Variants in NR4A2 observed in about 807,000 individuals in gnomAD.
The protein encoded by NR4A2 is nuclear receptor subfamily 4 group A member 2, also known as NGFI-B/nur77 beta-type transcription factor homolog.
Under a neutral mutation model 50.5 loss-of-function variants are expected in NR4A2, and 1 was observed. The ratio of observed to expected loss-of-function variants is 0.02; its 90% CI spans 0.01 to 0.09. The LOEUF is 0.09. Among genes scored for constraint, NR4A2 ranks in the 10% least tolerant of loss-of-function variants. The probability of loss-of-function intolerance (pLI) is 1.00; values close to 1 mark genes in which losing one functional copy is unlikely to be tolerated. For synonymous variants in NR4A2, 328 were observed against 309.4 expected (o/e 1.06, Z -0.63); for missense variants, 613 against 777.3 (o/e 0.79, Z 2.51).
rs371017972 is a variant in NR4A2 at position 156,325,685 on chromosome 2, C to T, written c.*59G>A. ...CGGCTATCTCTGCCCATGTGACTTG[C>T]CCCCTCTTGACAGTTTCCATTATCA... On this transcript the variant is annotated 3_prime_UTR_variant, in exon 8 of 8. Transcript: ENST00000339562. 1.2e-5 allele frequency: 19 copies of T among 1,606,972 alleles called. No individual in the cohort carries two copies. The East Asian group carries it at 1.8e-4, about 15-fold the overall frequency.
Position 156,329,557 on chromosome 2 carries a change from G to T in NR4A2, c.630C>A (p.His210Gln), listed in dbSNP as rs1430369191. ...CGAAGGTCTGCCCGTCCACCACGTG[G>T]TGGCTGCCGGCGGGCTCCGGGTTCA... Reference protein sequence around the residue: ...VPMNPEPAGSHHVVDGQTFAV... With the variant: ...VPMNPEPAGSQHVVDGQTFAV... The change falls in exon 3 of 8, where the codon CAC (histidine) becomes CAA (glutamine). Residue 210 changes from histidine to glutamine, a missense_variant. Coordinates refer to ENST00000339562, the MANE Select transcript of NR4A2 (RefSeq NM_006186.4). The surrounding 1 kb of genome is among the most constrained non-coding windows in gnomAD (Gnocchi z 7.5). 8 of 1,603,622 alleles carry T rather than the reference G, an allele frequency of 5.0e-6. No homozygotes were observed. The highest frequency in any genetic ancestry group is 6.8e-6 in the Non-Finnish European group (8 of 1,174,008).
At position 156,329,935 on chromosome 2, in the gene NR4A2, G is replaced by C; in HGVS notation, c.252C>G (p.Ser84=). The C allele has an allele frequency of 6.2e-7, 1 of 1,614,174 alleles. No individual in the cohort carries two copies. The highest frequency in any genetic ancestry group is 8.5e-7 in the Non-Finnish European group (1 of 1,180,028). The change falls in exon 3 of 8, where the codon TCC becomes TCG. Residue 84 remains serine (S), a synonymous_variant. Transcript: ENST00000339562. This position sits in a 1 kb window ranked among gnomAD's most constrained non-coding sequence, Gnocchi z 7.5. The part of the protein sequence containing the change: ...KPPCLYQMPL[S]GQQSSIKVED... ...CTACCTTAATGGAGGACTGCTGTCC[G>C]GACAGGGGCATTTGGTACAAGCAAG... is the stretch of plus-strand genomic sequence containing the variant.
chr2:156,325,593 C>A lies in NR4A2; in HGVS notation c.*151G>T, dbSNP rs1008117859. 3.9e-6 allele frequency: 4 copies of A among 1,024,684 alleles called. No individual in the cohort carries two copies. Among genetic ancestry groups the A allele is most frequent in the Admixed American group, 3.8e-5 (2 of 52,162 alleles). The allele number at this position is 1,024,684 out of a possible 1,614,324, so 63.5% of individuals were successfully genotyped here. On this transcript the variant is annotated 3_prime_UTR_variant, in exon 8 of 8. Transcript: ENST00000339562. ...CAGTTTTTGTTTGTTTGTTTGTTTT[C>A]TTTAGGGATCAAGGGGGCTAGGAGG...
At position 156,326,695 on chromosome 2, in the gene NR4A2, T is replaced by G; in HGVS notation, c.1361+23A>C. On this transcript the variant is annotated intron_variant, in intron 6 of 7. Transcript: ENST00000339562. The surrounding 1 kb of genome is among the most constrained non-coding windows in gnomAD (Gnocchi z 4.2). Reference sequence around the variant, plus strand: ...GATTTCTCTCACAGCCTCCCTGGATTGTCTCCCTCCCTCCCTTATTACCTG... The same window carrying G: ...GATTTCTCTCACAGCCTCCCTGGATGGTCTCCCTCCCTCCCTTATTACCTG... 6.6e-7 allele frequency: 1 copy of G among 1,514,740 alleles called. No individual in the cohort carries two copies. The highest frequency in any genetic ancestry group is 2.3e-5 in the East Asian group (1 of 43,798). The allele number at this position is 1,514,740 out of a possible 1,614,324, so 93.8% of individuals were successfully genotyped here.
At position 156,325,816 on chromosome 2, in the gene NR4A2, G is replaced by A; in HGVS notation, c.1725C>T (p.Tyr575=). ...GTGGCACCAAGTCTTCCAATTTCAG[G>A]TAGAAAATGCGCTGTAGCCCCTGTG... The part of the protein sequence containing the change: ...LCTQGLQRIF[Y]LKLEDLVPPP... The change falls in exon 8 of 8, where the codon TAC becomes TAT. Residue 575 remains tyrosine (Y), a synonymous_variant. Transcript: ENST00000339562. 6.2e-7 allele frequency: 1 copy of A among 1,614,190 alleles called. No individual in the cohort carries two copies. Among genetic ancestry groups the A allele is most frequent in the Non-Finnish European group, 8.5e-7 (1 of 1,180,044 alleles).
At position 156,326,619 on chromosome 2, in the gene NR4A2, T is replaced by A; in HGVS notation, c.1361+99A>T. ...CGACTTCCATTTCCTATTCTGTCTT[T>A]TTCTCTACCCCACCCTCTGGTTTCC... On this transcript the variant is annotated intron_variant, in intron 6 of 7. Transcript: ENST00000339562. This position sits in a 1 kb window ranked among gnomAD's most constrained non-coding sequence, Gnocchi z 4.2. The A allele has an allele frequency of 7.5e-7, 1 of 1,337,162 alleles. No individual in the cohort carries two copies. Among genetic ancestry groups the A allele is most frequent in the Non-Finnish European group, 1.1e-6 (1 of 938,986 alleles). 82.8% of individuals were successfully genotyped at this position (1,337,162 alleles called of 1,614,324 possible).
Position 156,329,608 on chromosome 2 carries a change from G to T in NR4A2, c.579C>A (p.Arg193=), listed in dbSNP as rs1463454891. 1.3e-5 allele frequency: 21 copies of T among 1,610,696 alleles called. No homozygotes were observed. Among genetic ancestry groups the T allele is most frequent in the Non-Finnish European group, 1.8e-5 (21 of 1,178,444 alleles). ...PGTPVSSCQM[R]FDGPLHVPMN... The stretch of plus-strand genomic sequence containing the variant: ...TGGGGACGTGCAGGGGCCCGTCGAA[G>T]CGCATCTGGCAACTAGACACCGGGG... The change falls in exon 3 of 8, where the codon CGC becomes CGA. Residue 193 remains arginine, a synonymous_variant. Transcript: ENST00000339562. This position sits in a 1 kb window ranked among gnomAD's most constrained non-coding sequence, Gnocchi z 7.5.
chr2:156,328,001 G>T lies in NR4A2; in HGVS notation c.1008C>A (p.Asp336Glu). 6.2e-7 allele frequency: 1 copy of T among 1,605,742 alleles called. No homozygotes were observed. The highest frequency in any genetic ancestry group is 8.5e-7 in the Non-Finnish European group (1 of 1,175,686). ...AACGACCTCTCCGGCCTTTTAAACT[G>T]TCTGTGCGAACCACTGCAAAGGAAG... ...VGMVKEVVRT[D>E]SLKGRRGRLP... The change falls in exon 5 of 8, where the codon GAC becomes GAA. Residue 336 changes from aspartate (D) to glutamate (E), a missense_variant. Around this residue, in one of 4 missense-constraint regions of NR4A2, gnomAD observed 27 missense variants for 120.7 expected, o/e 0.22. Coordinates refer to ENST00000339562, the MANE Select transcript of NR4A2 (RefSeq NM_006186.4). This position sits in a 1 kb window ranked among gnomAD's most constrained non-coding sequence, Gnocchi z 4.9.
Position 156,329,725 on chromosome 2 carries a change from C to G in NR4A2, c.462G>C (p.Gln154His), listed in dbSNP as rs1375801210. Residue 154 changes from glutamine to histidine, a missense_variant, in exon 3 of 8, where the codon CAG (glutamine) becomes CAC (histidine). Around this residue, in one of 4 missense-constraint regions of NR4A2, gnomAD observed 275 missense variants for 248.9 expected, o/e 1.10. Coordinates refer to ENST00000339562, the MANE Select transcript of NR4A2 (RefSeq NM_006186.4). The surrounding 1 kb of genome is among the most constrained non-coding windows in gnomAD (Gnocchi z 7.5). ...TCATGTGCGTAGTGGCCACGTAGTT[C>G]TGGTGGAAGTTGTGGAGAGATCCCG... ...DDPGSLHNFH[Q>H]NYVATTHMIE... is the part of the protein sequence containing the mutation. 1.2e-6 allele frequency: 2 copies of G among 1,613,988 alleles called. No individual in the cohort carries two copies. The highest frequency in any genetic ancestry group is 1.3e-5 in the African/African-American group (1 of 75,038).
Position 156,329,715 on chromosome 2 carries a change from C to T in NR4A2, c.472G>A (p.Ala158Thr). ...SLHNFHQNYV[A>T]TTHMIEQRKT... ...CTCTGCTCGATCATGTGCGTAGTGG[C>T]CACGTAGTTCTGGTGGAAGTTGTGG... The change falls in exon 3 of 8, where the codon GCC becomes ACC. Residue 158 changes from alanine (A) to threonine (T), a missense_variant. Around this residue, in one of 4 missense-constraint regions of NR4A2, gnomAD observed 275 missense variants for 248.9 expected, o/e 1.10. Coordinates refer to ENST00000339562, the MANE Select transcript of NR4A2 (RefSeq NM_006186.4). This position sits in a 1 kb window ranked among gnomAD's most constrained non-coding sequence, Gnocchi z 7.5. The T allele has an allele frequency of 6.2e-7, 1 of 1,614,038 alleles. No individual in the cohort carries two copies. The highest frequency in any genetic ancestry group is 1.3e-5 in the African/African-American group (1 of 75,036).
chr2:156,332,267 A>C (rs1686965955), intron 1 of NR4A2, among the ~76,000 whole-genome samples: 1 of 152,178 alleles, frequency 6.6e-6, no homozygotes. Flanking sequence ...ACCTCTGTCG[A>C]GAGCCAACTC....
intron 1 of NR4A2, 22 bp downstream of exon 1, chr2:156,332,458 T>C (rs1045691260): frequency 6.2e-6 from 8 of 1,287,986 alleles, no homozygotes; most frequent in African/African-American, 1.5e-5. Context: ...GAAGGCGAAC[T>C]GCATGGGCTG....
intron 1 of NR4A2, chr2:156,331,814 C>G (rs1462336628): frequency 6.6e-6 from 1 of 152,262 alleles, no homozygotes; most frequent in Non-Finnish European, 1.5e-5. Flanking sequence ...ACTCGAACCC[C>G]ACAGCCCTTA....
chr2:156,327,837 C>G lies in NR4A2; in HGVS notation c.1158+14G>C. 6.4e-7 allele frequency: 1 copy of G among 1,565,872 alleles called. No individual in the cohort carries two copies. The highest frequency in any genetic ancestry group is 8.7e-7 in the Non-Finnish European group (1 of 1,154,228). On this transcript the variant is annotated intron_variant, in intron 5 of 7. Transcript: ENST00000339562. ...CGGTTTGTCCACATGATATCCCCCCCGCCAGCTTCTTACCCTGGAATAGTC... is the reference window on the plus strand; with the variant it reads ...CGGTTTGTCCACATGATATCCCCCCGGCCAGCTTCTTACCCTGGAATAGTC...
chr2:156,329,192 C>T lies in NR4A2; in HGVS notation c.864+131G>A. 2.2e-6 allele frequency: 3 copies of T among 1,345,088 alleles called. No individual in the cohort carries two copies. The highest frequency in any genetic ancestry group is 3.1e-6 in the Non-Finnish European group (3 of 972,062). 83.3% of individuals were successfully genotyped at this position (1,345,088 alleles called of 1,614,324 possible). A position where few individuals can be genotyped will look rare whatever the true frequency, so the allele number is the denominator to read the frequency against. Reference sequence around the variant, plus strand: ...ATGGTCTCCTGCAGGGCAGCTTCGGCGGACCCCGGAGAGCTGGGCAGTCCC... The same window carrying T: ...ATGGTCTCCTGCAGGGCAGCTTCGGTGGACCCCGGAGAGCTGGGCAGTCCC... On this transcript the variant is annotated intron_variant, in intron 3 of 7. Coordinates refer to ENST00000339562, the MANE Select transcript of NR4A2 (RefSeq NM_006186.4). The surrounding 1 kb of genome is among the most constrained non-coding windows in gnomAD (Gnocchi z 7.5).
Position 156,332,540 on chromosome 2 carries a change from G to A in NR4A2, c.-187C>T. On this transcript the variant is annotated 5_prime_UTR_variant, in exon 1 of 8. Coordinates refer to ENST00000339562, the MANE Select transcript of NR4A2 (RefSeq NM_006186.4). ...CTCTGCCGAAGTGCAGTTCCCTCTG[G>A]GAGCCCGGGCGCCGGGGTCGGGTAG... The A allele has an allele frequency of 7.8e-7, 1 of 1,288,612 alleles. No individual in the cohort carries two copies. Among genetic ancestry groups the A allele is most frequent in the Non-Finnish European group, 1.0e-6 (1 of 988,342 alleles). The allele number at this position is 1,288,612 out of a possible 1,614,324, so 79.8% of individuals were successfully genotyped here. A position where few individuals can be genotyped will look rare whatever the true frequency, so the allele number is the denominator to read the frequency against.
chr2:156,329,184 A>G lies in NR4A2; in HGVS notation c.864+139T>C. 1 of 1,238,318 alleles carries G rather than the reference A, an allele frequency of 8.1e-7. No homozygotes were observed. Among genetic ancestry groups the G allele is most frequent in the Non-Finnish European group, 1.1e-6 (1 of 875,992 alleles). 76.7% of individuals were successfully genotyped at this position (1,238,318 alleles called of 1,614,324 possible). On this transcript the variant is annotated intron_variant, in intron 3 of 7. Coordinates refer to ENST00000339562, the MANE Select transcript of NR4A2 (RefSeq NM_006186.4). The surrounding 1 kb of genome is among the most constrained non-coding windows in gnomAD (Gnocchi z 7.5). Reference sequence around the variant, plus strand: ...CGCAGCCCATGGTCTCCTGCAGGGCAGCTTCGGCGGACCCCGGAGAGCTGG... The same window carrying G: ...CGCAGCCCATGGTCTCCTGCAGGGCGGCTTCGGCGGACCCCGGAGAGCTGG...
At position 156,327,938 on chromosome 2, in the gene NR4A2, G is replaced by C. The variant is rs1686727976; in HGVS notation, c.1071C>G (p.Pro357=). Residue 357 remains proline (P), a synonymous_variant, in exon 5 of 8, where the codon CCC becomes CCG. Coordinates refer to ENST00000339562, the MANE Select transcript of NR4A2 (RefSeq NM_006186.4). ...TGATCAGACTCACCGGGGGCGAAGG[G>C]GGAGAGGGCTCCTGTGGGCTCTTCG... is the stretch of plus-strand genomic sequence containing the variant. The part of the protein sequence containing the change: ...SKPKSPQEPS[P]PSPPVSLISA... 2 of 1,597,646 alleles carry C rather than the reference G, an allele frequency of 1.3e-6. No homozygotes were observed. Among genetic ancestry groups the C allele is most frequent in the South Asian group, 1.1e-5 (1 of 88,446 alleles).
intron 2 of NR4A2, 111 bp from the exon 3 acceptor site, chr2:156,330,299 G>A (rs775067533): frequency 3.1e-6 from 4 of 1,279,210 alleles, no homozygotes; most frequent in Non-Finnish European, 4.4e-6. Flanking sequence ...CAGAGAGCAT[G>A]TAGGGGCGCG....
Sources: gnomAD v4.1 joint callset for allele counts (sites outside exome capture counted in the v4.1 genomes callset) on GRCh38, gnomAD v4.1.1 for gene constraint, gnomAD v4.1.1 regional missense constraint, Gnocchi (gnomAD v3.1) non-coding constraint, MANE v1.5 for transcripts, NCBI Gene and HGNC (gene_info 2026-07-23, HGNC 2026-07-21) for gene names.